The following COLEC10 variants were observed in gnomAD, a reference collection of about 807,000 sequenced individuals.
COLEC10 encodes the protein collectin subfamily member 10.
A neutral mutation model predicts 28.4 loss-of-function variants in COLEC10; 22 were observed. That is an observed-to-expected ratio of 0.78 (90% CI 0.55 to 1.11). The LOEUF is 1.11. COLEC10 is among the 50% of genes least tolerant of loss of function. The probability of loss-of-function intolerance (pLI) is 0.00; values close to 1 mark genes in which losing one functional copy is unlikely to be tolerated. For synonymous variants in COLEC10, 125 were observed against 116.1 expected (o/e 1.08, Z -0.49); for missense variants, 361 against 344.1 (o/e 1.05, Z -0.39).
At chr8:118,983,105 C>T in the COLEC10 span, among the ~76,000 whole-genome samples, 1 of 152,158 alleles carries the variant, frequency 6.6e-6, no homozygotes, top group Non-Finnish European at 1.5e-5. Context: ...TTGCTCTGAG[C>T]CGTTGCTCTG....
the COLEC10 span, among the ~76,000 whole-genome samples, chr8:118,962,583 T>C: frequency 2.6e-5 from 4 of 152,178 alleles, no homozygotes. Flanking sequence ...AACCATTCCT[T>C]GCATTTCTTT....
chr8:118,971,384 T>A, the COLEC10 span, among the ~76,000 whole-genome samples: 1 of 151,894 alleles, frequency 6.6e-6, no homozygotes, highest in Admixed American at 6.6e-5. Context: ...ATCATCTTAG[T>A]TTTTGGAAGG....
At chr8:119,090,315 C>A (rs1282775953) in intron 2 of COLEC10, among the ~76,000 whole-genome samples, 1 of 152,146 alleles carries the variant, frequency 6.6e-6, no homozygotes, top group African/African-American at 2.4e-5. Context: ...AGTGTCTTCA[C>A]TCACAAAGTT....
At chr8:119,103,724 G>T (rs1198227422) in intron 4 of COLEC10, 76 bp from the exon 5 acceptor site, 2 of 853,084 alleles carry the variant, frequency 2.3e-6, no homozygotes, top group Non-Finnish European at 4.0e-6. Context: ...AGTGAATATT[G>T]GAAAGAGAGC....
chr8:118,960,175 A>T, the COLEC10 span, among the ~76,000 whole-genome samples: 255 of 152,266 alleles, frequency 1.7e-3, 1 homozygote, highest in African/African-American at 6.0e-3. Context: ...GTGGTAGAAC[A>T]GGTACTATAG....
intron 1 of COLEC10, among the ~76,000 whole-genome samples, chr8:119,080,062 C>T (rs1242453730): frequency 6.6e-6 from 1 of 152,046 alleles, no homozygotes; most frequent in Non-Finnish European, 1.5e-5. Flanking sequence ...TTTATCTTGT[C>T]ATTTGGGGAG....
chr8:118,972,200 C>T, the COLEC10 span, among the ~76,000 whole-genome samples: 1 of 151,914 alleles, frequency 6.6e-6, no homozygotes, highest in South Asian at 2.1e-4. Context: ...AATTTCTGAT[C>T]CTGCAATTCA....
intron 2 of COLEC10, among the ~76,000 whole-genome samples, chr8:119,034,361 A>G (rs1185358760): frequency 6.6e-6 from 1 of 151,064 alleles, no homozygotes; most frequent in Non-Finnish European, 1.5e-5. Flanking sequence ...GCACATGTAT[A>G]CCTACGTAAC....
chr8:119,059,659 C>T (rs1485315), intron 2 of COLEC10, among the ~76,000 whole-genome samples: 41,286 of 151,888 alleles, frequency 0.27, 6,261 homozygotes, highest in East Asian at 0.66. Flanking sequence ...CTGCAATTCT[C>T]ACCAACTGCC....
At chr8:118,966,483 G>A in the COLEC10 span, among the ~76,000 whole-genome samples, 5 of 152,100 alleles carry the variant, frequency 3.3e-5, no homozygotes, top group African/African-American at 1.2e-4. Flanking sequence ...ATGAAGTAAT[G>A]CAAGGAGATT....
intron 1 of COLEC10, among the ~76,000 whole-genome samples, chr8:119,001,903 C>T (rs1476574929): frequency 6.6e-6 from 1 of 152,130 alleles, no homozygotes; most frequent in Non-Finnish European, 1.5e-5. Context: ...GATACCACAG[C>T]CTGACTAGCT....
intron 2 of COLEC10, among the ~76,000 whole-genome samples, chr8:119,051,445 T>C (rs1424617766): frequency 1.3e-5 from 2 of 152,158 alleles, no homozygotes; most frequent in Non-Finnish European, 2.9e-5. Context: ...ATGGAGATAA[T>C]TTATCTATTG....
chr8:119,023,063 C>G (rs1350974294), intron 2 of COLEC10, among the ~76,000 whole-genome samples: 1 of 152,224 alleles, frequency 6.6e-6, no homozygotes, highest in South Asian at 2.1e-4. Context: ...TGGTTTATAT[C>G]TCTCTTGCTT....
At chr8:118,979,388 C>G in the COLEC10 span, among the ~76,000 whole-genome samples, 87 of 151,886 alleles carry the variant, frequency 5.7e-4, no homozygotes, top group Non-Finnish European at 8.4e-4. Flanking sequence ...ATAAATTCCT[C>G]TTTTAATAAA....
intron 2 of COLEC10, among the ~76,000 whole-genome samples, chr8:119,015,792 C>A (rs550275525): frequency 7.2e-4 from 110 of 152,222 alleles, no homozygotes; most frequent in African/African-American, 2.5e-3. Context: ...CTTCAGTTTC[C>A]TTAGGTTATA....
intron 3 of COLEC10, among the ~76,000 whole-genome samples, chr8:119,092,063 C>T (rs1208636713): frequency 2.8e-5 from 4 of 144,384 alleles, no homozygotes; most frequent in African/African-American, 8.0e-5. Flanking sequence ...CAGTCTTGTC[C>T]TAATTTTTTT....
At chr8:118,980,745 T>C in the COLEC10 span, among the ~76,000 whole-genome samples, 26 of 150,884 alleles carry the variant, frequency 1.7e-4, no homozygotes, top group African/African-American at 5.2e-4. Context: ...AAAATACTTA[T>C]AGACACGTTC....
upstream of COLEC10, among the ~76,000 whole-genome samples, chr8:119,065,198 C>T (rs149092524): frequency 4.6e-5 from 7 of 152,230 alleles, no homozygotes; most frequent in African/African-American, 9.6e-5. Context: ...GTTAGGAGCA[C>T]GGCTGTACAG....
the COLEC10 span, chr8:118,976,519 G>C: frequency 6.6e-6 from 1 of 152,224 alleles, no homozygotes; most frequent in African/African-American, 2.4e-5. Flanking sequence ...TACTGTGCTC[G>C]CTTCGGCAGC....
Sources: allele counts gnomAD v4.1 joint callset (sites outside exome capture counted in the v4.1 genomes callset), GRCh38; gene constraint gnomAD v4.1.1; transcripts MANE v1.5; gene names NCBI Gene and HGNC (gene_info 2026-07-23, HGNC 2026-07-21).